ERBB4: variants seen among roughly 807,000 people sequenced by gnomAD.
ERBB4 encodes erb-b2 receptor tyrosine kinase 4.
ERBB4 carries 42 observed loss-of-function variants against 158.0 expected under a neutral mutation model. The observed-to-expected ratio is 0.27, with a 90% CI of 0.21 to 0.34. The LOEUF (loss-of-function observed/expected upper bound fraction) is 0.34. Ranked by LOEUF, ERBB4 falls within the 10% of genes least tolerant of loss-of-function variation. ERBB4 has a pLI of 1.00. For synonymous variants in ERBB4, 583 were observed against 558.7 expected, an observed-to-expected ratio of 1.04 and a Z score of -0.61; for missense variants, 1,333 against 1,624.1, an observed-to-expected ratio of 0.82 and a Z score of 3.08.
At chr2:212,184,993 C>T (rs2081974741) in intron 1 of ERBB4, among the ~76,000 whole-genome samples, 1 of 150,850 alleles carries the variant, frequency 6.6e-6, no homozygotes, top group African/African-American at 2.5e-5. Context: ...ACATCCATGT[C>T]CATTAGATAT....
chr2:212,375,492 G>A lies in ERBB4; in HGVS notation c.82+162957C>T, dbSNP rs1024419382. ...CTAACGCCACTTATGTGTGTGGTTC[G>A]TGTTTAGAAGTTACATCAATAGCAA... On this transcript the variant is annotated intron_variant, in intron 1 of 27. Transcript: ENST00000342788. Among the ~76,000 whole-genome samples the A allele has an allele frequency of 6.6e-5, 10 of 152,148 alleles. No individual in the cohort carries two copies. In the East Asian group the frequency reaches 1.5e-3, roughly 24 times the overall value.
At chr2:211,389,088 T>C (rs896562010) in intron 25 of ERBB4, among the ~76,000 whole-genome samples, 3 of 152,188 alleles carry the variant, frequency 2.0e-5, no homozygotes, top group African/African-American at 7.2e-5. Flanking sequence ...CAGGCTGGAG[T>C]GCAGTGGTGC....
At chr2:211,541,153 AT>A (rs2066798925) in intron 20 of ERBB4, among the ~76,000 whole-genome samples, 1 of 151,854 alleles carries the variant, frequency 6.6e-6, no homozygotes, top group Admixed American at 6.6e-5. Context: ...CAAATACAAA[AT>A]TTTCCAGTTA....
chr2:212,431,991 T>C (rs959190475), intron 1 of ERBB4, among the ~76,000 whole-genome samples: 2 of 152,212 alleles, frequency 1.3e-5, no homozygotes, highest in Admixed American at 1.3e-4. Flanking sequence ...GAAAATATAA[T>C]CTCTACCAAA....
At chr2:212,250,859 T>C (rs1448619603) in intron 1 of ERBB4, among the ~76,000 whole-genome samples, 1 of 151,888 alleles carries the variant, frequency 6.6e-6, no homozygotes, top group Non-Finnish European at 1.5e-5. Flanking sequence ...TGCTCCCCTG[T>C]TTTCTTATTT....
chr2:211,914,521 C>T (rs1412315182), intron 3 of ERBB4, among the ~76,000 whole-genome samples: 1 of 152,018 alleles, frequency 6.6e-6, no homozygotes, highest in Non-Finnish European at 1.5e-5. Flanking sequence ...AACTACAACA[C>T]AAGACAATGT....
At chr2:211,714,454 C>A (rs75174616) in intron 7 of ERBB4, among the ~76,000 whole-genome samples, 1 of 152,286 alleles carries the variant, frequency 6.6e-6, no homozygotes, top group African/African-American at 2.4e-5. Flanking sequence ...AAAGCAGAAA[C>A]GGCATATGAT....
At chr2:212,454,138 A>G (rs1020004489) in intron 1 of ERBB4, among the ~76,000 whole-genome samples, 2 of 152,040 alleles carry the variant, frequency 1.3e-5, no homozygotes, top group African/African-American at 4.8e-5. Flanking sequence ...ATGGGGTTTC[A>G]CTATGTTGGC....
At chr2:211,868,354 T>C (rs987852177) in intron 3 of ERBB4, among the ~76,000 whole-genome samples, 3 of 152,218 alleles carry the variant, frequency 2.0e-5, no homozygotes, top group Non-Finnish European at 4.4e-5. Context: ...CTTCTCTCTT[T>C]AGGTTTTGTG....
chr2:211,513,486 CCTCT>C (rs1441532926), intron 20 of ERBB4, among the ~76,000 whole-genome samples: 1 of 151,870 alleles, frequency 6.6e-6, no homozygotes, highest in Admixed American at 6.5e-5. Flanking sequence ...AATTCTTTCC[CCTCT>C]CTCTATGAAA....
At chr2:212,099,205 C>A (rs2079015280) in intron 2 of ERBB4, among the ~76,000 whole-genome samples, 1 of 150,992 alleles carries the variant, frequency 6.6e-6, no homozygotes, top group Non-Finnish European at 1.5e-5. Context: ...AAAAATAAAT[C>A]ATGCCACTGC....
chr2:212,482,778 G>A (rs112462200), intron 1 of ERBB4, among the ~76,000 whole-genome samples: 21 of 151,934 alleles, frequency 1.4e-4, no homozygotes, highest in South Asian at 2.1e-4. Flanking sequence ...CACCATGCCC[G>A]GCAAATTTTT....
intron 4 of ERBB4, 41 bp downstream of exon 4, chr2:211,787,984 G>GT (rs775284749): frequency 6.3e-7 from 1 of 1,595,802 alleles, no homozygotes; most frequent in Non-Finnish European, 8.6e-7. Context: ...GCCACATAGG[G>GT]TAGAACATTT....
intron 16 of ERBB4, among the ~76,000 whole-genome samples, chr2:211,645,029 G>A (rs868073953): frequency 6.6e-6 from 1 of 151,850 alleles, no homozygotes; most frequent in South Asian, 2.1e-4. Flanking sequence ...TTCACCCTCT[G>A]GCACTGAGTT....
chr2:211,887,233 G>A (rs927526877), intron 3 of ERBB4, among the ~76,000 whole-genome samples: 1 of 149,060 alleles, frequency 6.7e-6, no homozygotes, highest in African/African-American at 2.5e-5. Flanking sequence ...AGTGAACAGA[G>A]TTGAAAGATA....
chr2:211,573,017 C>T (rs1262324498), intron 19 of ERBB4, among the ~76,000 whole-genome samples: 5 of 152,146 alleles, frequency 3.3e-5, no homozygotes, highest in Admixed American at 2.0e-4. Flanking sequence ...GAGGTGAATA[C>T]TACCTTATTT....
At chr2:211,440,493 G>T (rs564095338) in intron 20 of ERBB4, among the ~76,000 whole-genome samples, 2 of 152,276 alleles carry the variant, frequency 1.3e-5, no homozygotes, top group South Asian at 4.1e-4. Flanking sequence ...CAGAGAGGTG[G>T]TTGAATGTCT....
intron 4 of ERBB4, among the ~76,000 whole-genome samples, chr2:211,773,136 C>A (rs1410419539): frequency 6.7e-6 from 1 of 150,168 alleles, no homozygotes; most frequent in Non-Finnish European, 1.5e-5. Flanking sequence ...GTCTTAAAAG[C>A]AGTTGAGGGA....
chr2:211,944,168 A>ATATATAC lies in ERBB4; in HGVS notation c.421+3261_421+3262insGTATATA, dbSNP rs1373865712. Among the ~76,000 whole-genome samples, 29 of 82,634 alleles carry ATATATAC rather than the reference A, an allele frequency of 3.5e-4. 1 individual carries two copies. Among genetic ancestry groups the ATATATAC allele is most frequent in the Admixed American group, 1.1e-3 (7 of 6,230 alleles). 54.2% of individuals were successfully genotyped at this position (82,634 alleles called of 152,430 possible). A position where few individuals can be genotyped will look rare whatever the true frequency, so the allele number is the denominator to read the frequency against. On this transcript the variant is annotated intron_variant, in intron 3 of 27. Transcript: ENST00000342788. ...CATATACACTATATATATACACTAT[A>ATATATAC]TATATATACTATATATATATATATA...
Sources: gnomAD v4.1 joint callset for allele counts (sites outside exome capture counted in the v4.1 genomes callset) on GRCh38, gnomAD v4.1.1 for gene constraint, MANE v1.5 for transcripts, NCBI Gene and HGNC (gene_info 2026-07-23, HGNC 2026-07-21) for gene names.